Variants in CNTN1 observed in about 807,000 individuals in gnomAD.
CNTN1 encodes the protein contactin 1.
Under a neutral mutation model 126.4 loss-of-function variants are expected in CNTN1, and 38 were observed. The observed-to-expected ratio is 0.30, with a 90% CI of 0.23 to 0.39. The LOEUF is 0.39. Ranked by LOEUF, CNTN1 falls within the 10% of genes least tolerant of loss-of-function variation. The pLI is 1.00. For missense variants in CNTN1, 1,009 were observed against 1,248.4 expected, an observed-to-expected ratio of 0.81 and a Z score of 2.89; for synonymous variants, 413 against 422.6, an observed-to-expected ratio of 0.98 and a Z score of 0.28.
At chr12:40,762,555 T>A (rs1187000787) in intron 1 of CNTN1, among the ~76,000 whole-genome samples, 1 of 152,108 alleles carries the variant, frequency 6.6e-6, no homozygotes, top group Admixed American at 6.5e-5. Flanking sequence ...TGAGCATAAG[T>A]TCAAAACAAA....
chr12:40,999,396 G>A (rs1566115087), intron 17 of CNTN1, among the ~76,000 whole-genome samples: 1 of 151,976 alleles, frequency 6.6e-6, no homozygotes, highest in East Asian at 1.9e-4. Context: ...TTCCTGTTAA[G>A]TGCACTGGAG....
At chr12:40,753,662 C>G (rs1207712874) in intron 1 of CNTN1, among the ~76,000 whole-genome samples, 1 of 152,068 alleles carries the variant, frequency 6.6e-6, no homozygotes. Flanking sequence ...CCCAATAGGT[C>G]CCTCCTATAA....
chr12:40,873,654 T>C (rs11178856), intron 1 of CNTN1, among the ~76,000 whole-genome samples: 72,288 of 152,018 alleles, frequency 0.48, 17,952 homozygotes, highest in African/African-American at 0.63. Flanking sequence ...CCATGATATT[T>C]GCCCAAGGAT....
chr12:40,813,028 CTCTTTCTTTCCTTTCTT>C lies in CNTN1; in HGVS notation c.-76-95318_-76-95302del, dbSNP rs1428713735. Among the ~76,000 whole-genome samples, 333 of 33,880 alleles carry C rather than the reference CTCTTTCTTTCCTTTCTT, an allele frequency of 9.8e-3. 2 individuals carry two copies. The highest frequency in any genetic ancestry group is 0.021 in the African/African-American group (306 of 14,270). The allele number at this position is 33,880 out of a possible 152,430, so 22.2% of individuals were successfully genotyped here. On this transcript the variant is annotated intron_variant, in intron 1 of 23. Coordinates refer to ENST00000551295, the MANE Select transcript of CNTN1 (RefSeq NM_001843.4). ...CCTTCCTTCCATCCTTTCTTTCTTT[CTCTTTCTTTCCTTTCTT>C]TCTTTCTTTCTTTCTTCCTTCCTTC...
intron 16 of CNTN1, among the ~76,000 whole-genome samples, chr12:40,990,074 T>A (rs866713327): frequency 6.6e-6 from 1 of 152,164 alleles, no homozygotes; most frequent in South Asian, 2.1e-4. Context: ...TAGACGTTAA[T>A]CATGTTTTTG....
At chr12:41,044,114 C>T (rs1162693577) in intron 23 of CNTN1, among the ~76,000 whole-genome samples, 2 of 150,776 alleles carry the variant, frequency 1.3e-5, no homozygotes, top group Non-Finnish European at 3.0e-5. Context: ...CTAACCTGCA[C>T]ATTGTGCACA....
At chr12:40,819,056 C>T (rs1854480) in intron 1 of CNTN1, among the ~76,000 whole-genome samples, 1 of 152,014 alleles carries the variant, frequency 6.6e-6, no homozygotes, top group African/African-American at 2.4e-5. Flanking sequence ...GGTGCCTGCT[C>T]CTTCTTCTGG....
intron 1 of CNTN1, among the ~76,000 whole-genome samples, chr12:40,694,912 G>A (rs940352170): frequency 3.0e-4 from 46 of 152,196 alleles, no homozygotes; most frequent in African/African-American, 1.1e-3. Context: ...GGCGCATAGT[G>A]GGTCATTAAT....
At chr12:41,056,964 ATAT>A (rs1389259504) in intron 23 of CNTN1, among the ~76,000 whole-genome samples, 6 of 102,556 alleles carry the variant, frequency 5.9e-5, no homozygotes, top group African/African-American at 8.2e-5. Context: ...ATATTTATAA[ATAT>A]TATAAATATT....
At chr12:40,858,550 A>G (rs977396525) in intron 1 of CNTN1, among the ~76,000 whole-genome samples, 3 of 152,172 alleles carry the variant, frequency 2.0e-5, no homozygotes, top group Non-Finnish European at 4.4e-5. Flanking sequence ...TAATTCAACC[A>G]TTGTGGAAGA....
chr12:40,899,862 A>T (rs1944546858), intron 1 of CNTN1, among the ~76,000 whole-genome samples: 1 of 152,212 alleles, frequency 6.6e-6, no homozygotes, highest in Non-Finnish European at 1.5e-5. Context: ...TGTTATGAAA[A>T]ATATGTTAAT....
chr12:40,890,284 A>G (rs1351684945), intron 1 of CNTN1, among the ~76,000 whole-genome samples: 2 of 152,106 alleles, frequency 1.3e-5, no homozygotes, highest in African/African-American at 4.8e-5. Context: ...AGCCTCCCCC[A>G]CTGTCAACAT....
At chr12:41,001,591 CTTTAG>C (rs1158477304) in intron 17 of CNTN1, among the ~76,000 whole-genome samples, 2 of 152,108 alleles carry the variant, frequency 1.3e-5, no homozygotes, top group Non-Finnish European at 2.9e-5. Context: ...TGCAGAAGCT[CTTTAG>C]TTTAATTAGA....
At chr12:40,744,112 C>A (rs1938066062) in intron 1 of CNTN1, among the ~76,000 whole-genome samples, 1 of 151,854 alleles carries the variant, frequency 6.6e-6, no homozygotes, top group Non-Finnish European at 1.5e-5. Flanking sequence ...AGGAGGGGAA[C>A]AATACACACT....
chr12:41,005,543 C>A (rs570224764), intron 17 of CNTN1, among the ~76,000 whole-genome samples: 1 of 152,264 alleles, frequency 6.6e-6, no homozygotes, highest in Non-Finnish European at 1.5e-5. Context: ...TAGTTCCATT[C>A]TTCCCATCTT....
intron 15 of CNTN1, among the ~76,000 whole-genome samples, chr12:40,973,236 T>A (rs918311874): frequency 6.6e-6 from 1 of 152,138 alleles, no homozygotes; most frequent in Non-Finnish European, 1.5e-5. Context: ...TTTAATAAGA[T>A]TCAGCTTCAT....
At chr12:40,755,936 A>T (rs1217121269) in intron 1 of CNTN1, among the ~76,000 whole-genome samples, 1 of 152,114 alleles carries the variant, frequency 6.6e-6, no homozygotes, top group Admixed American at 6.6e-5. Flanking sequence ...GGAGCAATGA[A>T]TGGTTTGGTT....
chr12:40,851,605 TC>T (rs1432628885), intron 1 of CNTN1, among the ~76,000 whole-genome samples: 1 of 151,896 alleles, frequency 6.6e-6, no homozygotes, highest in Admixed American at 6.6e-5. Flanking sequence ...TACTTTTTTC[TC>T]CCCTTATTGT....
At chr12:40,978,692 T>C (rs945733049) in intron 15 of CNTN1, 1 of 152,194 alleles carries the variant, frequency 6.6e-6, no homozygotes, top group Non-Finnish European at 1.5e-5. Flanking sequence ...TCTCAACAAA[T>C]ACACTAATAA....
Sources: allele counts gnomAD v4.1 joint callset (sites outside exome capture counted in the v4.1 genomes callset), GRCh38; gene constraint gnomAD v4.1.1; transcripts MANE v1.5; gene names NCBI Gene and HGNC (gene_info 2026-07-23, HGNC 2026-07-21).